MAPK8: variants seen among roughly 807,000 people sequenced by gnomAD.
MAPK8 encodes the protein mitogen-activated protein kinase 8.
Under a neutral mutation model 52.9 loss-of-function variants are expected in MAPK8, and 13 were observed. That is an observed-to-expected ratio of 0.25 (90% CI 0.16 to 0.39). The LOEUF is 0.39. Among genes scored for constraint, MAPK8 ranks in the 10% least tolerant of loss-of-function variants. MAPK8 has a pLI of 1.00. For synonymous variants in MAPK8, 191 were observed against 169.8 expected (o/e 1.12, Z -0.97); for missense variants, 300 against 519.2 (o/e 0.58, Z 4.10).
chr10:48,370,732 G>C (rs145945007), intron 1 of MAPK8, among the ~76,000 whole-genome samples: 133 of 152,148 alleles, frequency 8.7e-4, no homozygotes, highest in African/African-American at 3.0e-3. Flanking sequence ...ATGGAAGGAA[G>C]AGCAAGTTAG....
chr10:48,379,857 G>T (rs1418962313), intron 1 of MAPK8, among the ~76,000 whole-genome samples: 1 of 150,474 alleles, frequency 6.6e-6, no homozygotes, highest in Non-Finnish European at 1.5e-5. Flanking sequence ...ACTTGAATAT[G>T]GTACAAACTC....
At chr10:48,364,227 C>G (rs1448699612) in intron 1 of MAPK8, among the ~76,000 whole-genome samples, 1 of 152,156 alleles carries the variant, frequency 6.6e-6, no homozygotes, top group Non-Finnish European at 1.5e-5. Context: ...TTTTCATCAG[C>G]AGGGAGCTCA....
chr10:48,339,211 T>C (rs1445785999), intron 1 of MAPK8, among the ~76,000 whole-genome samples: 2 of 151,988 alleles, frequency 1.3e-5, no homozygotes, highest in African/African-American at 4.8e-5. Flanking sequence ...GTAACCAAAA[T>C]AGCACGGAAT....
At chr10:48,345,981 A>G (rs1589015607) in intron 1 of MAPK8, among the ~76,000 whole-genome samples, 1 of 152,340 alleles carries the variant, frequency 6.6e-6, no homozygotes, top group East Asian at 1.9e-4. Flanking sequence ...TTAGGCTGTA[A>G]CAAGACAACT....
intron 1 of MAPK8, among the ~76,000 whole-genome samples, chr10:48,339,226 A>T (rs1462480314): frequency 6.6e-6 from 1 of 152,226 alleles, no homozygotes; most frequent in Non-Finnish European, 1.5e-5. Context: ...CGGAATTGGT[A>T]CAAAGATAGA....
At chr10:48,313,338 C>G (rs1161888420) in intron 1 of MAPK8, among the ~76,000 whole-genome samples, 1 of 152,048 alleles carries the variant, frequency 6.6e-6, no homozygotes, top group East Asian at 1.9e-4. Context: ...GAGGTTGAGG[C>G]AGGAGAATCT....
At chr10:48,405,055 C>G in intron 3 of MAPK8, 74 bp downstream of exon 3, 1 of 940,372 alleles carries the variant, frequency 1.1e-6, no homozygotes, top group African/African-American at 1.7e-5. Flanking sequence ...ATATCAAAGA[C>G]TAAATATTAG....
At chr10:48,320,331 G>A (rs539041859) in intron 1 of MAPK8, among the ~76,000 whole-genome samples, 10 of 144,726 alleles carry the variant, frequency 6.9e-5, no homozygotes, top group South Asian at 6.6e-4. Context: ...TGAAACTCCT[G>A]GGCTGAAGCA....
intron 1 of MAPK8, among the ~76,000 whole-genome samples, chr10:48,359,638 T>C (rs1847335348): frequency 6.6e-6 from 1 of 152,214 alleles, no homozygotes. Flanking sequence ...ATACTTTCTA[T>C]GTGACAGAAC....
chr10:48,402,737 A>G (rs892292267), intron 2 of MAPK8, among the ~76,000 whole-genome samples: 4 of 152,216 alleles, frequency 2.6e-5, no homozygotes, highest in Non-Finnish European at 5.9e-5. Context: ...TATTTCTCCT[A>G]GGTTCTAAAA....
chr10:48,357,096 A>G (rs887024566), intron 1 of MAPK8, among the ~76,000 whole-genome samples: 1 of 152,150 alleles, frequency 6.6e-6, no homozygotes, highest in Non-Finnish European at 1.5e-5. Flanking sequence ...ATATAATGCA[A>G]ACAAAATACC....
At chr10:48,351,545 C>T (rs1399778073) in intron 1 of MAPK8, among the ~76,000 whole-genome samples, 1 of 151,642 alleles carries the variant, frequency 6.6e-6, no homozygotes, top group African/African-American at 2.4e-5. Flanking sequence ...CAAGACAGTG[C>T]TTCAACAAGC....
At chr10:48,433,940 G>T (rs1348258753) in intron 11 of MAPK8, among the ~76,000 whole-genome samples, 1 of 152,124 alleles carries the variant, frequency 6.6e-6, no homozygotes, top group Non-Finnish European at 1.5e-5. Context: ...TAAGTAACTT[G>T]CATTATTCCA....
rs981142828 is a variant in MAPK8 at position 48,438,086 on chromosome 10, G to T, written c.*3057G>T. 6.6e-6 allele frequency: 1 copy of T among 152,234 alleles called. No individual in the cohort carries two copies. Among genetic ancestry groups the T allele is most frequent in the Non-Finnish European group, 1.5e-5 (1 of 68,056 alleles). 9.4% of individuals were successfully genotyped at this position (152,234 alleles called of 1,614,324 possible). On this transcript the variant is annotated 3_prime_UTR_variant, in exon 12 of 12. Coordinates refer to ENST00000374189, the MANE Select transcript of MAPK8 (RefSeq NM_001323329.2). The stretch of plus-strand genomic sequence containing the variant: ...GGCATTCGCCTGCACAACATTTTGA[G>T]GTTAGAACATAGAATATTTTCAGAA...
At chr10:48,398,565 A>G (rs113796698) in intron 1 of MAPK8, among the ~76,000 whole-genome samples, 135 of 152,348 alleles carry the variant, frequency 8.9e-4, no homozygotes, top group South Asian at 3.3e-3. Flanking sequence ...GGGCTCAGCA[A>G]TTCCACTCCT....
chr10:48,384,166 C>T (rs904930776), intron 1 of MAPK8, among the ~76,000 whole-genome samples: 4 of 152,152 alleles, frequency 2.6e-5, no homozygotes, highest in Non-Finnish European at 4.4e-5. Context: ...GCAGAAGAAT[C>T]GCTTGAGCCG....
intron 1 of MAPK8, among the ~76,000 whole-genome samples, chr10:48,320,211 CTTTTTTTTT>C (rs71026206): frequency 1.8e-3 from 64 of 35,320 alleles, no homozygotes; most frequent in African/African-American, 3.9e-3. Context: ...ACTGCTCGGC[CTTTTTTTTT>C]TTTTTTTTTT....
At chr10:48,403,072 CAT>C (rs1315494528) in intron 2 of MAPK8, among the ~76,000 whole-genome samples, 1 of 152,074 alleles carries the variant, frequency 6.6e-6, no homozygotes, top group African/African-American at 2.4e-5. Flanking sequence ...AAGATTAAAA[CAT>C]GCATAAATAC....
chr10:48,346,937 A>G (rs1845842857), intron 1 of MAPK8, among the ~76,000 whole-genome samples: 1 of 152,148 alleles, frequency 6.6e-6, no homozygotes, highest in African/African-American at 2.4e-5. Flanking sequence ...GAGGTGACTC[A>G]CATTCTTTAC....
Sources: gnomAD v4.1 joint callset for allele counts (sites outside exome capture counted in the v4.1 genomes callset) on GRCh38, gnomAD v4.1.1 for gene constraint, MANE v1.5 for transcripts, NCBI Gene and HGNC (gene_info 2026-07-23, HGNC 2026-07-21) for gene names.